The following C1orf87 variants were observed in gnomAD, a reference collection of about 807,000 sequenced individuals.
C1orf87 encodes the protein uncharacterized protein C1orf87.
Under a neutral mutation model 60.5 loss-of-function variants are expected in C1orf87, and 58 were observed. That is an observed-to-expected ratio of 0.96 (90% CI 0.78 to 1.19). The LOEUF (loss-of-function observed/expected upper bound fraction) is 1.19. Ranked by LOEUF, C1orf87 falls within the 50% of genes most tolerant of loss-of-function variation. The pLI is 0.00. For missense variants in C1orf87, 673 were observed against 638.6 expected (o/e 1.05, Z -0.58); for synonymous variants, 236 against 227.4 (o/e 1.04, Z -0.34).
chr1:60,012,702 A>G (rs1363737578), intron 8 of C1orf87, among the ~76,000 whole-genome samples: 1 of 152,168 alleles, frequency 6.6e-6, no homozygotes, highest in East Asian at 1.9e-4. Context: ...TTCGAATCCC[A>G]CTTTAACTGA....
intron 11 of C1orf87, 129 bp from the exon 12 acceptor site, chr1:59,990,962 T>A: frequency 1.1e-6 from 1 of 887,660 alleles, no homozygotes; most frequent in Non-Finnish European, 1.7e-6. Flanking sequence ...TTAAGCTTCT[T>A]AAAAATCAAG....
intron 10 of C1orf87, among the ~76,000 whole-genome samples, chr1:60,000,797 C>T (rs1304978245): frequency 3.3e-5 from 5 of 151,980 alleles, no homozygotes; most frequent in East Asian, 1.9e-4. Flanking sequence ...GACACCCAGA[C>T]GTATGCTACA....
At chr1:60,051,074 A>C (rs1480857776) in intron 3 of C1orf87, among the ~76,000 whole-genome samples, 1 of 152,206 alleles carries the variant, frequency 6.6e-6, no homozygotes, top group Non-Finnish European at 1.5e-5. Flanking sequence ...CCCATAAAGA[A>C]TAGCATGGGC....
At chr1:60,019,107 C>T (rs1645143899) in intron 8 of C1orf87, among the ~76,000 whole-genome samples, 1 of 152,150 alleles carries the variant, frequency 6.6e-6, no homozygotes, top group Admixed American at 6.5e-5. Flanking sequence ...TGTGTCCCCA[C>T]CCAAATCTAA....
At chr1:60,021,740 T>C (rs1473706387) in intron 8 of C1orf87, among the ~76,000 whole-genome samples, 1 of 152,172 alleles carries the variant, frequency 6.6e-6, no homozygotes, top group Non-Finnish European at 1.5e-5. Context: ...ATAATAGCTA[T>C]ACAGATGATA....
intron 8 of C1orf87, among the ~76,000 whole-genome samples, chr1:60,016,035 G>A (rs1038436609): frequency 6.6e-6 from 1 of 152,104 alleles, no homozygotes; most frequent in Non-Finnish European, 1.5e-5. Flanking sequence ...ACAGGCATAA[G>A]CCACCATAAC....
Position 60,041,076 on chromosome 1 carries a change from A to G in C1orf87, c.398T>C (p.Leu133Ser). ...CCTGGGAATGCCATGCACATAGGAT[A>G]AGGACTGGTCTCCGGTTGGTACAGA... ...CSSVPTGDQS[L>S]SYVHGIPRRK... The change falls in exon 4 of 12, where the codon TTA becomes TCA. Residue 133 changes from leucine (L) to serine (S), a missense_variant. Coordinates refer to ENST00000371201, the MANE Select transcript of C1orf87 (RefSeq NM_152377.3). 6 of 1,613,046 alleles carry G rather than the reference A, an allele frequency of 3.7e-6. No homozygotes were observed. The highest frequency in any genetic ancestry group is 5.1e-6 in the Non-Finnish European group (6 of 1,179,192).
Position 60,026,920 on chromosome 1 carries a change from G to A in C1orf87, c.1030-1422C>T, listed in dbSNP as rs376237290. ...TTACCTCCAGGCTATGTGTATAAGT[G>A]ATATACAAAACATAAATGAATTTCA... is the stretch of plus-strand genomic sequence containing the variant. On this transcript the variant is annotated intron_variant, in intron 7 of 11. Transcript: ENST00000371201. 3.9e-5 allele frequency among the ~76,000 whole-genome samples: 6 copies of A among 152,206 alleles called. No individual in the cohort carries two copies. In the South Asian group the frequency reaches 1.0e-3, roughly 26 times the overall value.
intron 8 of C1orf87, among the ~76,000 whole-genome samples, chr1:60,015,755 A>G (rs1308344525): frequency 6.6e-6 from 1 of 151,782 alleles, no homozygotes; most frequent in African/African-American, 2.4e-5. Flanking sequence ...TCACTTCTTT[A>G]TTTTCACTTT....
chr1:60,003,505 A>G, intron 9 of C1orf87, among the ~76,000 whole-genome samples: 1 of 152,128 alleles, frequency 6.6e-6, no homozygotes, highest in Non-Finnish European at 1.5e-5. Context: ...GAAAGTGTAA[A>G]GCAAATACCT....
chr1:60,010,669 AG>A (rs1211608346), intron 8 of C1orf87, among the ~76,000 whole-genome samples: 1 of 151,990 alleles, frequency 6.6e-6, no homozygotes, highest in African/African-American at 2.4e-5. Flanking sequence ...TAGAACAGAA[AG>A]TTCTAAGTCT....
rs937211436 is a variant in C1orf87 at position 60,041,009 on chromosome 1, G to A, written c.465C>T (p.Gly155=). The change falls in exon 4 of 12, where the codon GGC becomes GGT. Residue 155 remains glycine, a synonymous_variant. Coordinates refer to ENST00000371201, the MANE Select transcript of C1orf87 (RefSeq NM_152377.3). ...TACACACCTCAGGTTGGTCAGAGCT[G>A]CCTCTCACCATCTGTTCCAAGGACC... is the stretch of plus-strand genomic sequence containing the variant. ...RDWSLEQMVR[G]SSDQPEDIGQ... 2 of 1,612,388 alleles carry A rather than the reference G, an allele frequency of 1.2e-6. No homozygotes were observed. The highest frequency in any genetic ancestry group is 2.2e-5 in the East Asian group (1 of 44,828).
intron 2 of C1orf87, among the ~76,000 whole-genome samples, chr1:60,067,494 G>T (rs764794850): frequency 1.4e-5 from 2 of 140,834 alleles, no homozygotes; most frequent in Non-Finnish European, 3.1e-5. Flanking sequence ...TCATATGTTT[G>T]TTGGCCACAT....
intron 11 of C1orf87, among the ~76,000 whole-genome samples, chr1:59,994,132 G>T (rs1414825410): frequency 6.6e-6 from 1 of 152,050 alleles, no homozygotes; most frequent in Non-Finnish European, 1.5e-5. Context: ...CATTTGATCC[G>T]TTCTCAAATC....
chr1:60,008,898 C>G (rs960884076), intron 9 of C1orf87: 4 of 314,590 alleles, frequency 1.3e-5, no homozygotes, highest in African/African-American at 8.8e-5. Flanking sequence ...TCCGTGGAGA[C>G]CCTAGAACCA....
intron 8 of C1orf87, among the ~76,000 whole-genome samples, chr1:60,015,424 T>C (rs1307953968): frequency 6.6e-6 from 1 of 152,210 alleles, no homozygotes. Flanking sequence ...TAGTATCTTG[T>C]TATAGCAGTC....
rs138614536 is a variant in C1orf87 at position 60,044,415 on chromosome 1, T to C, written c.343-3284A>G. ...TGCTGTGAAGAATGAGTGTTATGTATTTTAAATATTTTATACATTCTAAAA... is the reference window on the plus strand; with the variant it reads ...TGCTGTGAAGAATGAGTGTTATGTACTTTAAATATTTTATACATTCTAAAA... On this transcript the variant is annotated intron_variant, in intron 3 of 11. Coordinates refer to ENST00000371201, the MANE Select transcript of C1orf87 (RefSeq NM_152377.3). Among the ~76,000 whole-genome samples, 633 of 152,364 alleles carry C rather than the reference T, an allele frequency of 4.2e-3. 4 individuals carry two copies. The highest frequency in any genetic ancestry group is 0.015 in the African/African-American group (619 of 41,594).
Position 60,061,789 on chromosome 1 carries a change from A to T in C1orf87, c.108-6351T>A, listed in dbSNP as rs1645498201. 2.0e-5 allele frequency among the ~76,000 whole-genome samples: 3 copies of T among 150,430 alleles called. 1 individual carries two copies. Among genetic ancestry groups the T allele is most frequent in the Non-Finnish European group, 4.4e-5 (3 of 67,494 alleles). On this transcript the variant is annotated intron_variant, in intron 2 of 11. Transcript: ENST00000371201. ...CCCCATCTCTACCAAAAAAAAAAAA[A>T]AAAAAAAAAAAAATAGCTGGGCTTT...
At chr1:60,018,801 T>A (rs1448315378) in intron 8 of C1orf87, among the ~76,000 whole-genome samples, 12 of 152,224 alleles carry the variant, frequency 7.9e-5, no homozygotes, top group Non-Finnish European at 1.5e-5. Flanking sequence ...AACCTCATTA[T>A]TCATATGTTC....
Sources: allele counts gnomAD v4.1 joint callset (sites outside exome capture counted in the v4.1 genomes callset), GRCh38; gene constraint gnomAD v4.1.1; transcripts MANE v1.5; gene names NCBI Gene and HGNC (gene_info 2026-07-23, HGNC 2026-07-21).